The following EMC9 variants were observed in gnomAD, a reference collection of about 807,000 sequenced individuals.
The protein encoded by EMC9 is UPF0172 protein FAM158A.
A neutral mutation model predicts 25.0 loss-of-function variants in EMC9; 20 were observed. The ratio of observed to expected loss-of-function variants is 0.80; its 90% CI spans 0.56 to 1.16. EMC9 has a LOEUF of 1.16. Ranked by LOEUF, EMC9 falls within the 50% of genes most tolerant of loss-of-function variation. The pLI is 0.00. For missense variants in EMC9, 256 were observed against 268.7 expected, an observed-to-expected ratio of 0.95 and a Z score of 0.33; for synonymous variants, 100 against 107.0, an observed-to-expected ratio of 0.93 and a Z score of 0.40.
intron 3 of EMC9, chr14:24,140,284 G>T (rs1213267543): frequency 6.5e-6 from 1 of 153,264 alleles, no homozygotes; most frequent in Non-Finnish European, 1.4e-5. Context: ...AGATCAGTCT[G>T]TTGGCCGAGA....
intron 1 of EMC9, 58 bp from the exon 2 acceptor site, chr14:24,141,374 C>A: frequency 1.3e-6 from 2 of 1,545,934 alleles, no homozygotes; most frequent in Non-Finnish European, 1.8e-6. Flanking sequence ...GTGCCTAGCT[C>A]GCGTCCGTGA....
chr14:24,139,048 G>C lies in EMC9; in HGVS notation c.589C>G (p.Gln197Glu). Residue 197 changes from glutamine to glutamate, a missense_variant, in exon 6 of 6, where the codon CAG becomes GAG. By Grantham distance (29) the Gln-to-Glu change is conservative. Transcript: ENST00000216799. The surrounding 1 kb of genome is among the most constrained non-coding windows in gnomAD (Gnocchi z 4.6). ...TNQRLNTQITQWVGPTNGNGN... is the reference protein window; with the variant it reads ...TNQRLNTQITEWVGPTNGNGN... ...TTTCCATTAGTGGGACCAACCCACT[G>C]GGTGATTTGAGTGTTGAGCCGCTGG... 6.2e-7 allele frequency: 1 copy of C among 1,613,858 alleles called. No homozygotes were observed. The highest frequency in any genetic ancestry group is 8.5e-7 in the Non-Finnish European group (1 of 1,180,042).
Position 24,139,339 on chromosome 14 carries a change from T to G in EMC9, c.440+21A>C, listed in dbSNP as rs755284078. On this transcript the variant is annotated intron_variant, in intron 5 of 5. Transcript: ENST00000216799. This position sits in a 1 kb window ranked among gnomAD's most constrained non-coding sequence, Gnocchi z 4.6. ...GGAGCCTTGGGCTTCTAAGAAGAGG[T>G]AGAGGGAGTGGGGTACTCACAAGTT... 6.2e-7 allele frequency: 1 copy of G among 1,612,060 alleles called. No individual in the cohort carries two copies. Among genetic ancestry groups the G allele is most frequent in the Non-Finnish European group, 8.5e-7 (1 of 1,178,884 alleles).
rs777724939 is a variant in EMC9, at chr14:24,141,185, GCATTCTCCAGA to G, written c.109_119del (p.Ser37ProfsTer70). 32 of 1,614,014 alleles carry G rather than the reference GCATTCTCCAGA, an allele frequency of 2.0e-5. No homozygotes were observed. The highest frequency in any genetic ancestry group is 3.4e-6 in the Non-Finnish European group (4 of 1,180,052). On this transcript the variant is annotated frameshift_variant, in exon 2 of 6. Coordinates refer to ENST00000216799, the MANE Select transcript of EMC9 (RefSeq NM_016049.4). LOFTEE classifies it high-confidence loss of function. ...GGGGCACACAGTCGGTGAGGCACAG[GCATTCTCCAGA>G]CCGCGGCGCTGGCGCCAAAAACAGC...
chr14:24,139,665 C>A lies in EMC9; in HGVS notation c.276-51G>T. Reference sequence around the variant, plus strand: ...TGAGGAGCCAACTGTGGGCAAAACCCATCCATTTGAGCTGGGCCTCCCAGG... The same window carrying A: ...TGAGGAGCCAACTGTGGGCAAAACCAATCCATTTGAGCTGGGCCTCCCAGG... On this transcript the variant is annotated intron_variant, in intron 3 of 5. Transcript: ENST00000216799. The surrounding 1 kb of genome is among the most constrained non-coding windows in gnomAD (Gnocchi z 4.6). The A allele has an allele frequency of 6.3e-7, 1 of 1,594,496 alleles. No homozygotes were observed. Among genetic ancestry groups the A allele is most frequent in the East Asian group, 2.3e-5 (1 of 43,962 alleles).
chr14:24,138,989 C>G lies in EMC9; in HGVS notation c.*21G>C, dbSNP rs767564846. On this transcript the variant is annotated 3_prime_UTR_variant, in exon 6 of 6. Transcript: ENST00000216799. ...ATCAGCCCAAGTCTCTTTATTGGAA[C>G]CGGGCCCCGCTGGCCCTGGCTCAGG... 13 of 1,611,798 alleles carry G rather than the reference C, an allele frequency of 8.1e-6. No homozygotes were observed. The highest frequency in any genetic ancestry group is 3.3e-5 in the Admixed American group (2 of 59,968).
chr14:24,139,737 G>A lies in EMC9; in HGVS notation c.276-123C>T. On this transcript the variant is annotated intron_variant, in intron 3 of 5. Coordinates refer to ENST00000216799, the MANE Select transcript of EMC9 (RefSeq NM_016049.4). This position sits in a 1 kb window ranked among gnomAD's most constrained non-coding sequence, Gnocchi z 4.6. ...TGTGGCCTTTCCCTGTAGGTGGCCT[G>A]CGGGGATCGGGCCTGCTGGATGCTT... 1 of 1,548,612 alleles carries A rather than the reference G, an allele frequency of 6.5e-7. No individual in the cohort carries two copies. The highest frequency in any genetic ancestry group is 1.2e-5 in the South Asian group (1 of 83,314).
rs897958083 is a variant in EMC9 at position 24,139,757 on chromosome 14, A to T, written c.276-143T>A. The T allele has an allele frequency of 6.5e-7, 1 of 1,545,666 alleles. No homozygotes were observed. The highest frequency in any genetic ancestry group is 1.4e-5 in the African/African-American group (1 of 73,050). ...GGCCTGCGGGGATCGGGCCTGCTGG[A>T]TGCTTGATGCACGACTGCTTGATGC... On this transcript the variant is annotated intron_variant, in intron 3 of 5. Transcript: ENST00000216799. This position sits in a 1 kb window ranked among gnomAD's most constrained non-coding sequence, Gnocchi z 4.6.
chr14:24,139,005 C>G lies in EMC9; in HGVS notation c.*5G>C, dbSNP rs111731159. The G allele has an allele frequency of 5.0e-6, 8 of 1,612,926 alleles. No homozygotes were observed. The African/African-American group carries it at 1.1e-4, about 21-fold the overall frequency. ...TTATTGGAACCGGGCCCCGCTGGCC[C>G]TGGCTCAGGCATTTCCATTTCCATT... is the stretch of plus-strand genomic sequence containing the variant. On this transcript the variant is annotated 3_prime_UTR_variant, in exon 6 of 6. Coordinates refer to ENST00000216799, the MANE Select transcript of EMC9 (RefSeq NM_016049.4). The surrounding 1 kb of genome is among the most constrained non-coding windows in gnomAD (Gnocchi z 4.6).
chr14:24,140,127 T>C (rs540850868), intron 3 of EMC9: 289 of 222,386 alleles, frequency 1.3e-3, no homozygotes, highest in Non-Finnish European at 1.9e-3. Context: ...GTACCTCTAA[T>C]TGCTCCATGT....
intron 3 of EMC9, among the ~76,000 whole-genome samples, chr14:24,140,619 T>C (rs2038031462): frequency 6.6e-6 from 1 of 151,068 alleles, no homozygotes. Context: ...ATCAGTCTGT[T>C]GATACACAGT....
chr14:24,140,889 C>A lies in EMC9; in HGVS notation c.275G>T (p.Ser92Ile). The change falls in exon 3 of 6, where the codon AGC becomes ATC. Residue 92 changes from serine to isoleucine, a missense_variant and splice_region_variant. By Grantham distance (142) the Ser-to-Ile change is moderately radical. Coordinates refer to ENST00000216799, the MANE Select transcript of EMC9 (RefSeq NM_016049.4). ...YHANAAVNDQ[S>I]PGPLALKIAG... The stretch of plus-strand genomic sequence containing the variant: ...TTCTTCCTCTGGCTACGCCACTCAC[C>A]TCTGATCGTTCACAGCTGCATTGGC... 1 of 1,614,246 alleles carries A rather than the reference C, an allele frequency of 6.2e-7. No homozygotes were observed. The highest frequency in any genetic ancestry group is 2.2e-5 in the East Asian group (1 of 44,888).
chr14:24,138,965 T>C lies in EMC9; in HGVS notation c.*45A>G, dbSNP rs368816709. On this transcript the variant is annotated 3_prime_UTR_variant, in exon 6 of 6. Coordinates refer to ENST00000216799, the MANE Select transcript of EMC9 (RefSeq NM_016049.4). ...ATAAATATAGTTATACCACTGCCCA[T>C]CAGCCCAAGTCTCTTTATTGGAACC... is the stretch of plus-strand genomic sequence containing the variant. The C allele has an allele frequency of 6.2e-7, 1 of 1,606,924 alleles. No individual in the cohort carries two copies. The highest frequency in any genetic ancestry group is 8.5e-7 in the Non-Finnish European group (1 of 1,175,980).
intron 3 of EMC9, 31 bp downstream of exon 3, chr14:24,140,858 C>T (rs765264596): frequency 1.7e-5 from 27 of 1,613,282 alleles, no homozygotes; most frequent in Middle Eastern, 3.3e-4. Context: ...CGCCATAATC[C>T]TTTCCTTCTT....
At position 24,139,059 on chromosome 14, in the gene EMC9, G is replaced by C. The variant is rs1343008072; in HGVS notation, c.578C>G (p.Thr193Ser). 1 of 1,613,922 alleles carries C rather than the reference G, an allele frequency of 6.2e-7. No individual in the cohort carries two copies. The highest frequency in any genetic ancestry group is 1.1e-5 in the South Asian group (1 of 91,070). ...GGGACCAACCCACTGGGTGATTTGAGTGTTGAGCCGCTGGTTGGTCCAGTC... is the reference window on the plus strand; with the variant it reads ...GGGACCAACCCACTGGGTGATTTGACTGTTGAGCCGCTGGTTGGTCCAGTC... ...RQDWTNQRLN[T>S]QITQWVGPTN... Residue 193 changes from threonine to serine, a missense_variant, in exon 6 of 6, where the codon ACT becomes AGT. Physicochemically the swap from Thr to Ser is moderately conservative, Grantham distance 58 (BLOSUM62 1). Coordinates refer to ENST00000216799, the MANE Select transcript of EMC9 (RefSeq NM_016049.4). This position sits in a 1 kb window ranked among gnomAD's most constrained non-coding sequence, Gnocchi z 4.6.
At position 24,141,585 on chromosome 14, in the gene EMC9, C is replaced by T. The variant is rs1265274309; in HGVS notation, c.-160G>A. 2 of 573,250 alleles carry T rather than the reference C, an allele frequency of 3.5e-6. No individual in the cohort carries two copies. The highest frequency in any genetic ancestry group is 6.3e-6 in the Non-Finnish European group (2 of 319,900). 35.5% of individuals were successfully genotyped at this position (573,250 alleles called of 1,614,324 possible). A position where few individuals can be genotyped will look rare whatever the true frequency, so the allele number is the denominator to read the frequency against. ...TTCCCGCGCCCCTAGCTGGCGGCCG[C>T]GACTCTGCGCCTGCCTGGGAGACAG... On this transcript the variant is annotated 5_prime_UTR_variant, in exon 1 of 6. Transcript: ENST00000216799.
Position 24,141,305 on chromosome 14 carries a change from G to A in EMC9, c.-1C>T, listed in dbSNP as rs1302618461. On this transcript the variant is annotated 5_prime_UTR_variant, in exon 2 of 6. Coordinates refer to ENST00000216799, the MANE Select transcript of EMC9 (RefSeq NM_016049.4). ...GGGCCGAGATCTCCACCTCCCCCAT[G>A]GCGAGCGAGGCCTGGACGGGAAGCA... 3 of 1,613,844 alleles carry A rather than the reference G, an allele frequency of 1.9e-6. No individual in the cohort carries two copies. The African/African-American group carries it at 4.0e-5, about 22-fold the overall frequency.
At position 24,139,008 on chromosome 14, in the gene EMC9, G is replaced by T. The variant is rs147615250; in HGVS notation, c.*2C>A. ...TTGGAACCGGGCCCCGCTGGCCCTG[G>T]CTCAGGCATTTCCATTTCCATTAGT... On this transcript the variant is annotated 3_prime_UTR_variant, in exon 6 of 6. Coordinates refer to ENST00000216799, the MANE Select transcript of EMC9 (RefSeq NM_016049.4). This position sits in a 1 kb window ranked among gnomAD's most constrained non-coding sequence, Gnocchi z 4.6. The T allele has an allele frequency of 7.3e-4, 1,181 of 1,612,944 alleles. 7 individuals are homozygous for T. In the African/African-American group the frequency reaches 0.014, roughly 19 times the overall value.
In EMC9 at chr14:24,139,634, G is replaced by C; in HGVS notation, c.276-20C>G. The C allele has an allele frequency of 6.2e-7, 1 of 1,611,452 alleles. No homozygotes were observed. Among genetic ancestry groups the C allele is most frequent in the Middle Eastern group, 1.6e-4 (1 of 6,062 alleles). On this transcript the variant is annotated intron_variant, in intron 3 of 5. Transcript: ENST00000216799. This position sits in a 1 kb window ranked among gnomAD's most constrained non-coding sequence, Gnocchi z 4.6. ...CCAGGGCTGTGTAGAGGGAAGATCAGAGGAGTGAGGAGCCAACTGTGGGCA... is the reference window on the plus strand; with the variant it reads ...CCAGGGCTGTGTAGAGGGAAGATCACAGGAGTGAGGAGCCAACTGTGGGCA...
Sources: gnomAD v4.1 joint callset for allele counts (sites outside exome capture counted in the v4.1 genomes callset) on GRCh38, gnomAD v4.1.1 for gene constraint, Gnocchi (gnomAD v3.1) non-coding constraint, MANE v1.5 for transcripts, NCBI Gene and HGNC (gene_info 2026-07-23, HGNC 2026-07-21) for gene names.